The following HDAC9 variants were observed in gnomAD, a reference collection of about 807,000 sequenced individuals.
HDAC9 encodes the protein MEF-2 interacting transcription repressor (MITR) protein.
Under a neutral mutation model 139.4 loss-of-function variants are expected in HDAC9, and 41 were observed. The observed-to-expected ratio is 0.29, with a 90% CI of 0.23 to 0.38. The LOEUF is 0.38. Ranked by LOEUF, HDAC9 falls within the 10% of genes least tolerant of loss-of-function variation. HDAC9 has a pLI of 1.00. For synonymous variants in HDAC9, 517 were observed against 476.2 expected (o/e 1.09, Z -1.12); for missense variants, 1,147 against 1,297.0 (o/e 0.88, Z 1.78).
chr7:18,793,796 TA>T (rs1002989267), intron 17 of HDAC9, among the ~76,000 whole-genome samples: 1 of 152,130 alleles, frequency 6.6e-6, no homozygotes, highest in African/African-American at 2.4e-5. Context: ...GAGGCAATTT[TA>T]AAAATATGAT....
chr7:18,418,051 T>A (rs1789250545), intron 1 of HDAC9, among the ~76,000 whole-genome samples: 2 of 152,184 alleles, frequency 1.3e-5, no homozygotes, highest in African/African-American at 4.8e-5. Context: ...GCAACAACTT[T>A]GCACAATCAT....
At chr7:18,401,475 CTT>C (rs1442099281) in intron 1 of HDAC9, among the ~76,000 whole-genome samples, 2 of 152,184 alleles carry the variant, frequency 1.3e-5, no homozygotes, top group Admixed American at 6.5e-5. Context: ...CATGATAAGA[CTT>C]AATCTGTCCC....
chr7:18,783,302 C>A (rs930294310), intron 16 of HDAC9, among the ~76,000 whole-genome samples: 11 of 152,078 alleles, frequency 7.2e-5, no homozygotes, highest in African/African-American at 2.7e-4. Context: ...CAAAGAAAAG[C>A]ATTTCTCTAT....
intron 1 of HDAC9, among the ~76,000 whole-genome samples, chr7:18,104,056 G>T (rs1286082698): frequency 6.6e-6 from 1 of 152,060 alleles, no homozygotes; most frequent in East Asian, 1.9e-4. Context: ...CACCTAACAT[G>T]CACAGCTTTG....
intron 25 of HDAC9, among the ~76,000 whole-genome samples, chr7:18,991,956 A>T (rs1786013337): frequency 6.6e-6 from 1 of 152,256 alleles, no homozygotes; most frequent in African/African-American, 2.4e-5. Context: ...CAGGGCACAC[A>T]GTACACAGTC....
At chr7:18,700,963 A>G (rs1783426036) in intron 12 of HDAC9, among the ~76,000 whole-genome samples, 1 of 152,164 alleles carries the variant, frequency 6.6e-6, no homozygotes, top group Non-Finnish European at 1.5e-5. Context: ...TTGTGTGTAG[A>G]GAGGAATGCT....
At chr7:18,832,032 A>G (rs780759175) in intron 19 of HDAC9, among the ~76,000 whole-genome samples, 1 of 152,204 alleles carries the variant, frequency 6.6e-6, no homozygotes, top group Non-Finnish European at 1.5e-5. Flanking sequence ...GAATGATTCT[A>G]GTTGATCTGT....
intron 1 of HDAC9, among the ~76,000 whole-genome samples, chr7:18,468,429 G>A (rs935227375): frequency 5.9e-5 from 9 of 151,880 alleles, no homozygotes; most frequent in African/African-American, 1.9e-4. Flanking sequence ...CCATTGGAAG[G>A]TGTAATTTTT....
At chr7:18,431,015 TTGTCC>T (rs10587067) in intron 1 of HDAC9, among the ~76,000 whole-genome samples, 49,263 of 147,986 alleles carry the variant, frequency 0.33, 8,455 homozygotes, top group East Asian at 0.54. Context: ...TTATCCTATC[TTGTCC>T]TGTCCTGTCC....
At chr7:18,517,470 T>G (rs921979195) in intron 2 of HDAC9, among the ~76,000 whole-genome samples, 1 of 152,154 alleles carries the variant, frequency 6.6e-6, no homozygotes, top group Admixed American at 6.5e-5. Context: ...CTGCCTGCAT[T>G]ATTTCCTCCC....
chr7:18,836,814 G>C (rs1471684071), intron 21 of HDAC9, among the ~76,000 whole-genome samples: 1 of 152,020 alleles, frequency 6.6e-6, no homozygotes, highest in African/African-American at 2.4e-5. Flanking sequence ...ATTTTTGGAA[G>C]AGGTTTTAGC....
At chr7:18,549,252 C>G (rs1021666013) in intron 2 of HDAC9, among the ~76,000 whole-genome samples, 1 of 151,994 alleles carries the variant, frequency 6.6e-6, no homozygotes, top group Non-Finnish European at 1.5e-5. Flanking sequence ...AATAAATAAA[C>G]AAACAAACAA....
chr7:18,605,218 A>G (rs543966407), intron 6 of HDAC9, among the ~76,000 whole-genome samples: 1 of 152,128 alleles, frequency 6.6e-6, no homozygotes, highest in South Asian at 2.1e-4. Context: ...ATTCACTGTT[A>G]TAATACAGAA....
chr7:18,303,249 G>C lies in HDAC9; in HGVS notation c.-42+12734G>C, dbSNP rs917798483. Among the ~76,000 whole-genome samples the C allele has an allele frequency of 2.0e-5, 3 of 151,894 alleles. No homozygotes were observed. The South Asian group carries it at 6.2e-4, about 31-fold the overall frequency. On this transcript the variant is annotated intron_variant, in intron 1 of 3. Transcript: ENST00000413509. Reference sequence around the variant, plus strand: ...TCTTTTTTTTTTGAGACGGAGTCTTGCTCTGTCGCCCAGGCAGGAGTTTAG... The same window carrying C: ...TCTTTTTTTTTTGAGACGGAGTCTTCCTCTGTCGCCCAGGCAGGAGTTTAG...
At chr7:18,903,579 T>G (rs1456872304) in intron 22 of HDAC9, among the ~76,000 whole-genome samples, 1 of 152,218 alleles carries the variant, frequency 6.6e-6, no homozygotes, top group Non-Finnish European at 1.5e-5. Context: ...GCAGCCAGCA[T>G]GTGACCCTGA....
intron 2 of HDAC9, among the ~76,000 whole-genome samples, chr7:18,163,247 G>A (rs560342589): frequency 5.8e-4 from 88 of 152,200 alleles, no homozygotes; most frequent in Non-Finnish European, 1.1e-3. Context: ...TCCCCAACAG[G>A]CCTCCAACTT....
chr7:18,832,726 AT>A (rs1795941197), intron 19 of HDAC9, among the ~76,000 whole-genome samples: 1 of 131,714 alleles, frequency 7.6e-6, no homozygotes, highest in Non-Finnish European at 1.7e-5. Context: ...AAACAAAAAA[AT>A]GATATATATA....
chr7:18,573,781 G>A (rs1825069314), intron 2 of HDAC9, among the ~76,000 whole-genome samples: 2 of 152,184 alleles, frequency 1.3e-5, no homozygotes. Context: ...TCTGGATGAG[G>A]GGAACATGGT....
chr7:18,452,311 C>T (rs1792947340), intron 1 of HDAC9, among the ~76,000 whole-genome samples: 2 of 152,084 alleles, frequency 1.3e-5, no homozygotes, highest in Admixed American at 6.6e-5. Context: ...GAACATTGTC[C>T]AGGATACGTC....
Sources: allele counts gnomAD v4.1 joint callset (sites outside exome capture counted in the v4.1 genomes callset), GRCh38; gene constraint gnomAD v4.1.1; transcripts MANE v1.5; gene names NCBI Gene and HGNC (gene_info 2026-07-23, HGNC 2026-07-21).